Variants in SLC8B1 observed in about 807,000 individuals in gnomAD.
SLC8B1 encodes the protein solute carrier family 8 member B1, also known as mitochondrial sodium/calcium exchanger protein.
SLC8B1 carries 52 observed loss-of-function variants against 63.4 expected under a neutral mutation model. That is an observed-to-expected ratio of 0.82 (90% CI 0.66 to 1.03). The LOEUF (loss-of-function observed/expected upper bound fraction) is 1.03. SLC8B1 is among the 50% of genes least tolerant of loss of function. SLC8B1 has a pLI of 0.00. For missense variants in SLC8B1, 657 were observed against 741.7 expected (o/e 0.89, Z 1.33); for synonymous variants, 336 against 323.9 (o/e 1.04, Z -0.40).
Position 113,320,775 on chromosome 12 carries a change from T to C in SLC8B1, c.420+75A>G, listed in dbSNP as rs1180630714. 14 of 1,575,802 alleles carry C rather than the reference T, an allele frequency of 8.9e-6. No homozygotes were observed. Among genetic ancestry groups the C allele is most frequent in the African/African-American group, 2.7e-5 (2 of 74,522 alleles). On this transcript the variant is annotated intron_variant, in intron 5 of 15. Coordinates refer to ENST00000680972, the MANE Select transcript of SLC8B1 (RefSeq NM_001358345.2). This position sits in a 1 kb window ranked among gnomAD's most constrained non-coding sequence, Gnocchi z 5.3. ...ATCCCCCAGCTTCCCCACACGGGGA[T>C]AGACATGACCCTATCTCCCAGCCTC...
At chr12:113,313,064 C>T (rs1294467504) in intron 11 of SLC8B1, among the ~76,000 whole-genome samples, 1 of 152,032 alleles carries the variant, frequency 6.6e-6, no homozygotes, top group African/African-American at 2.4e-5. Flanking sequence ...CATCACCATA[C>T]CTGGCTAGTT....
chr12:113,321,473 G>A, intron 2 of SLC8B1, 125 bp from the exon 3 acceptor site: 1 of 1,230,178 alleles, frequency 8.1e-7, no homozygotes. Context: ...TACCCTCTGG[G>A]TGCCAACTAT....
chr12:113,302,640 G>A (rs553224153), intron 15 of SLC8B1: 29 of 456,110 alleles, frequency 6.4e-5, no homozygotes, highest in East Asian at 3.5e-4. Context: ...ATGAGGTACC[G>A]TGTGGGCTGT....
chr12:113,307,871 A>G, intron 12 of SLC8B1, 27 bp from the exon 13 acceptor site: 1 of 1,605,680 alleles, frequency 6.2e-7, no homozygotes. Flanking sequence ...TTGCTGTGGG[A>G]CCAAGGCCAG....
chr12:113,300,960 AC>A (rs1423849594), intron 15 of SLC8B1, among the ~76,000 whole-genome samples: 6 of 152,080 alleles, frequency 3.9e-5, no homozygotes, highest in Non-Finnish European at 8.8e-5. Context: ...ACATGGTGAA[AC>A]CCCGTCTCTA....
intron 2 of SLC8B1, among the ~76,000 whole-genome samples, chr12:113,328,832 A>G (rs1207774181): frequency 2.7e-5 from 4 of 150,400 alleles, no homozygotes; most frequent in African/African-American, 9.8e-5. Flanking sequence ...GCTCACTGCA[A>G]CCTCCATCTC....
chr12:113,299,664 CGCACTCTCGTG>C lies in SLC8B1; in HGVS notation c.*102_*112del. On this transcript the variant is annotated 3_prime_UTR_variant, in exon 16 of 16. Coordinates refer to ENST00000680972, the MANE Select transcript of SLC8B1 (RefSeq NM_001358345.2). ...ACCTCAGATCTCCAGCAGCAAGGGCCGCACTCTCGTGCCCACAAGGGCCTTGCAGAAATGCT... is the reference window on the plus strand; with the variant it reads ...ACCTCAGATCTCCAGCAGCAAGGGCCCCCACAAGGGCCTTGCAGAAATGCT... The C allele has an allele frequency of 1.0e-6, 1 of 978,982 alleles. No individual in the cohort carries two copies. Among genetic ancestry groups the C allele is most frequent in the Admixed American group, 2.0e-5 (1 of 49,948 alleles). 60.6% of individuals were successfully genotyped at this position (978,982 alleles called of 1,614,324 possible). A position where few individuals can be genotyped will look rare whatever the true frequency, so the allele number is the denominator to read the frequency against.
intron 2 of SLC8B1, among the ~76,000 whole-genome samples, chr12:113,324,149 A>G (rs1265643300): frequency 2.0e-5 from 3 of 151,718 alleles, no homozygotes; most frequent in Non-Finnish European, 4.4e-5. Context: ...CCATTGCTAC[A>G]AAAAAATTTA....
intron 14 of SLC8B1, 72 bp downstream of exon 14, chr12:113,306,423 T>C: frequency 8.1e-7 from 1 of 1,239,866 alleles, no homozygotes; most frequent in South Asian, 2.0e-5. Context: ...ATCCCCAGGG[T>C]GGGGCATGGA....
In SLC8B1 at chr12:113,319,040, G is replaced by T; in HGVS notation, c.726C>A (p.Val242=). 2 of 1,614,008 alleles carry T rather than the reference G, an allele frequency of 1.2e-6. No homozygotes were observed. The highest frequency in any genetic ancestry group is 2.2e-5 in the South Asian group (2 of 91,052). Residue 242 remains valine (V), a synonymous_variant, in exon 8 of 16, where the codon GTC becomes GTA. Transcript: ENST00000680972. ...AGATCCAGGTGCAGAGAATCACAGT[G>T]ACCACATAGAACACATACAAGCCCA... ...GYLGLYVFYV[V]TVILCTWIYQ...
chr12:113,300,373 C>T (rs1956566890), intron 15 of SLC8B1, among the ~76,000 whole-genome samples: 1 of 152,166 alleles, frequency 6.6e-6, no homozygotes, highest in Admixed American at 6.5e-5. Flanking sequence ...CAGTGTGCTA[C>T]TGGGGAGGCT....
intron 8 of SLC8B1, among the ~76,000 whole-genome samples, chr12:113,317,452 C>T (rs1566235261): frequency 6.6e-6 from 1 of 152,222 alleles, no homozygotes; most frequent in Non-Finnish European, 1.5e-5. Flanking sequence ...GATTCTTACA[C>T]AGTGAAAGTC....
intron 2 of SLC8B1, among the ~76,000 whole-genome samples, chr12:113,326,796 A>G (rs905068836): frequency 6.6e-6 from 1 of 151,530 alleles, no homozygotes; most frequent in African/African-American, 2.4e-5. Flanking sequence ...CCCGACTTCA[A>G]CCTCCCAAGT....
At chr12:113,313,327 T>TAA (rs763975993) in intron 11 of SLC8B1, among the ~76,000 whole-genome samples, 12 of 140,302 alleles carry the variant, frequency 8.6e-5, no homozygotes, top group Non-Finnish European at 6.2e-5. Context: ...AAATTTGCCT[T>TAA]AAAAAAAAAA....
At chr12:113,314,117 C>T (rs765398053) in intron 11 of SLC8B1, among the ~76,000 whole-genome samples, 3 of 152,354 alleles carry the variant, frequency 2.0e-5, no homozygotes, top group East Asian at 1.9e-4. Flanking sequence ...TTCCCCGCTC[C>T]GTAGAGAATG....
At chr12:113,302,442 T>C in intron 15 of SLC8B1, 1 of 283,060 alleles carries the variant, frequency 3.5e-6, no homozygotes, top group South Asian at 3.1e-5. Flanking sequence ...ATTTCTGCTG[T>C]TGTCAGCCCC....
Position 113,320,856 on chromosome 12 carries a change from G to A in SLC8B1, c.414C>T (p.Asn138=), listed in dbSNP as rs752003497. The change falls in exon 5 of 16, where the codon AAC becomes AAT. Residue 138 remains asparagine (N), a synonymous_variant. Coordinates refer to ENST00000680972, the MANE Select transcript of SLC8B1 (RefSeq NM_001358345.2). The surrounding 1 kb of genome is among the most constrained non-coding windows in gnomAD (Gnocchi z 5.3). ...ACACTGGACAAAAGGATACTGCCAC[G>A]TTGTGGGAGAGCTTCAGTGTGGTAG... ...AISTTLKLSH[N]VAGVTFLAFG... 21 of 1,604,418 alleles carry A rather than the reference G, an allele frequency of 1.3e-5. No individual in the cohort carries two copies. The highest frequency in any genetic ancestry group is 6.7e-5 in the East Asian group (3 of 44,542).
At chr12:113,319,595 C>T (rs187583617) in intron 7 of SLC8B1, among the ~76,000 whole-genome samples, 2 of 152,212 alleles carry the variant, frequency 1.3e-5, no homozygotes, top group East Asian at 1.9e-4. Flanking sequence ...GGGATGAGTG[C>T]GTTCGCAGCT....
Position 113,320,922 on chromosome 12 carries a change from C to A in SLC8B1, c.363-15G>T, listed in dbSNP as rs199906114. 1.2e-6 allele frequency: 2 copies of A among 1,602,362 alleles called. No individual in the cohort carries two copies. The highest frequency in any genetic ancestry group is 1.7e-6 in the Non-Finnish European group (2 of 1,175,548). On this transcript the variant is annotated splice_polypyrimidine_tract_variant and intron_variant, in intron 4 of 15. Coordinates refer to ENST00000680972, the MANE Select transcript of SLC8B1 (RefSeq NM_001358345.2). This position sits in a 1 kb window ranked among gnomAD's most constrained non-coding sequence, Gnocchi z 5.3. The stretch of plus-strand genomic sequence containing the variant: ...TGGGGCAGAAACTACGGAGAAAAAG[C>A]GGACGGGAAGCATTTCCGTAGTAAC...
Sources: gnomAD v4.1 joint callset for allele counts (sites outside exome capture counted in the v4.1 genomes callset) on GRCh38, gnomAD v4.1.1 for gene constraint, Gnocchi (gnomAD v3.1) non-coding constraint, MANE v1.5 for transcripts, NCBI Gene and HGNC (gene_info 2026-07-23, HGNC 2026-07-21) for gene names.